MCF2L: variants seen among roughly 807,000 people sequenced by gnomAD.
The protein encoded by MCF2L is MCF.2 cell line derived transforming sequence like.
In MCF2L, 97 loss-of-function variants were observed where a neutral mutation model predicts 153.4. That is an observed-to-expected ratio of 0.63 (90% CI 0.54 to 0.75). The LOEUF is 0.75. MCF2L is among the 30% of genes least tolerant of loss of function. The probability of loss-of-function intolerance (pLI) is 0.00; values close to 1 mark genes in which losing one functional copy is unlikely to be tolerated. For synonymous variants in MCF2L, 659 were observed against 632.2 expected, an observed-to-expected ratio of 1.04 and a Z score of -0.64; for missense variants, 1,347 against 1,495.2, an observed-to-expected ratio of 0.90 and a Z score of 1.64.
chr13:112,938,189 GGGGTTGGTTC>G (rs2081540765), intron 2 of MCF2L, among the ~76,000 whole-genome samples: 1 of 118,746 alleles, frequency 8.4e-6, no homozygotes, highest in African/African-American at 3.3e-5. Context: ...TGAGCGCTGA[GGGGTTGGTTC>G]AGGTGAGCGC....
chr13:112,894,780 G>A (rs1056039914), intron 1 of MCF2L, among the ~76,000 whole-genome samples: 4 of 152,102 alleles, frequency 2.6e-5, no homozygotes, highest in Non-Finnish European at 5.9e-5. Context: ...GGCTTCTGCC[G>A]ACGATCCCTT....
chr13:113,077,815 A>C (rs1206826342), intron 13 of MCF2L, among the ~76,000 whole-genome samples: 27 of 152,144 alleles, frequency 1.8e-4, no homozygotes. Flanking sequence ...CTGGTTTCTC[A>C]CACACGAACC....
At position 113,096,493 on chromosome 13, in the gene MCF2L, C is replaced by G. The variant is rs1192700778; in HGVS notation, c.3188+10C>G. The G allele has an allele frequency of 1.3e-6, 2 of 1,583,210 alleles. No homozygotes were observed. The highest frequency in any genetic ancestry group is 1.3e-5 in the African/African-American group (1 of 74,426). ...GCGACGAGGGCCTCTGGTAAGACCC[C>G]GCGCTCAGCCCCGGACTGCCCCGCA... On this transcript the variant is annotated intron_variant, in intron 28 of 29. Transcript: ENST00000535094.
At chr13:112,991,591 G>T (rs568791380) in intron 1 of MCF2L, among the ~76,000 whole-genome samples, 1 of 152,354 alleles carries the variant, frequency 6.6e-6, no homozygotes, top group Admixed American at 6.5e-5. Context: ...AAATCTATCA[G>T]AAGTTTGCAA....
upstream of MCF2L, chr13:112,968,823 A>AC (rs1566669088): frequency 1.5e-6 from 2 of 1,294,782 alleles, no homozygotes; most frequent in Non-Finnish European, 2.0e-6. Flanking sequence ...GAGACCCGGA[A>AC]CCGGGGGGAA....
At chr13:113,006,374 A>G (rs903925157) in intron 1 of MCF2L, among the ~76,000 whole-genome samples, 4 of 151,884 alleles carry the variant, frequency 2.6e-5, no homozygotes, top group Admixed American at 1.3e-4. Context: ...CCTCGCGAGG[A>G]CTCACTCAAT....
chr13:113,024,711 G>C lies in MCF2L; in HGVS notation c.231G>C (p.Pro77=), dbSNP rs375792215. ...ACTACCCGGCCTTCAGCGAGATTCC[G>C]GACAAGGAGTTCCAGAATGTCATGA... ...FPDYPAFSEI[P]DKEFQNVMTY... Residue 77 remains proline (P), a synonymous_variant, in exon 3 of 30, where the codon CCG becomes CCC. Transcript: ENST00000535094. The C allele has an allele frequency of 6.2e-7, 1 of 1,614,084 alleles. No homozygotes were observed. Among genetic ancestry groups the C allele is most frequent in the Non-Finnish European group, 8.5e-7 (1 of 1,180,042 alleles).
At chr13:113,084,858 C>A in intron 18 of MCF2L, 34 bp from the exon 19 acceptor site, 1 of 1,532,172 alleles carries the variant, frequency 6.5e-7, no homozygotes, top group Non-Finnish European at 9.0e-7. Context: ...GCCCATCCCT[C>A]ACTGCGTGAT....
chr13:113,021,703 G>A (rs2084895364), intron 2 of MCF2L, among the ~76,000 whole-genome samples: 1 of 152,230 alleles, frequency 6.6e-6, no homozygotes, highest in African/African-American at 2.4e-5. Flanking sequence ...CCAGAGAGGG[G>A]CTGTGCCCCC....
At chr13:113,021,392 C>T (rs2084877251) in intron 2 of MCF2L, among the ~76,000 whole-genome samples, 1 of 152,190 alleles carries the variant, frequency 6.6e-6, no homozygotes, top group Admixed American at 6.5e-5. Context: ...TTGCATCTGC[C>T]TTCTGCCCCT....
intron 3 of MCF2L, among the ~76,000 whole-genome samples, chr13:113,034,806 CT>C (rs2086043898): frequency 6.6e-6 from 1 of 152,224 alleles, no homozygotes; most frequent in African/African-American, 2.4e-5. Flanking sequence ...ACCGACCTTC[CT>C]TGGGGAGTGA....
At position 113,094,865 on chromosome 13, in the gene MCF2L, C is replaced by T. The variant is rs533340458; in HGVS notation, c.3075+230C>T. ...GGGGCACAGCCCCAGCTCCTCCTAA[C>T]TCTCTCTGGAAGGTCCACCTGGGCC... On this transcript the variant is annotated intron_variant, in intron 27 of 29. Transcript: ENST00000535094. The T allele has an allele frequency of 4.6e-6, 5 of 1,098,538 alleles. No individual in the cohort carries two copies. In the African/African-American group the frequency reaches 9.2e-5, roughly 20 times the overall value. 68.0% of individuals were successfully genotyped at this position (1,098,538 alleles called of 1,614,324 possible). A position where few individuals can be genotyped will look rare whatever the true frequency, so the allele number is the denominator to read the frequency against.
chr13:113,064,334 C>G lies in MCF2L; in HGVS notation c.520C>G (p.His174Asp), dbSNP rs374604350. The G allele has an allele frequency of 1.9e-6, 3 of 1,612,838 alleles. No individual in the cohort carries two copies. In the African/African-American group the frequency reaches 4.0e-5, roughly 22 times the overall value. Residue 174 changes from histidine to aspartate, a missense_variant, in exon 6 of 30, where the codon CAC becomes GAC. Physicochemically the swap from His to Asp is moderately conservative, Grantham distance 81 (BLOSUM62 -1). Around this residue, in one of 3 missense-constraint regions of MCF2L, gnomAD observed 820 missense variants for 921.2 expected, o/e 0.89. Coordinates refer to ENST00000535094, the MANE Select transcript of MCF2L (RefSeq NM_001112732.3). This position sits in a 1 kb window ranked among gnomAD's most constrained non-coding sequence, Gnocchi z 6.0. Reference sequence around the variant, plus strand: ...AATGCTGAGCTCCGTACCAGACTTACACGGTTACATCGATAAGTCGCAGCT... The same window carrying G: ...AATGCTGAGCTCCGTACCAGACTTAGACGGTTACATCGATAAGTCGCAGCT... ...VIMLSSVPDL[H>D]GYIDKSQLTE... is the part of the protein sequence containing the mutation.
chr13:113,021,702 G>T (rs1441287783), intron 2 of MCF2L, among the ~76,000 whole-genome samples: 1 of 152,230 alleles, frequency 6.6e-6, no homozygotes, highest in African/African-American at 2.4e-5. Context: ...TCCAGAGAGG[G>T]GCTGTGCCCC....
chr13:113,013,127 G>T (rs565989509), intron 1 of MCF2L, among the ~76,000 whole-genome samples: 13 of 152,304 alleles, frequency 8.5e-5, no homozygotes, highest in African/African-American at 3.1e-4. Context: ...ACATCCAACT[G>T]CGCAGTCTAG....
intron 26 of MCF2L, chr13:113,091,298 C>T (rs1300256280): frequency 2.1e-6 from 2 of 969,152 alleles, no homozygotes; most frequent in African/African-American, 1.7e-5. Flanking sequence ...GGGATGCTCT[C>T]GTGGGTCTTT....
chr13:112,915,410 C>CACAAAAAAAAAAAAAAAAAAAAAAA (rs1555349857), intron 2 of MCF2L, among the ~76,000 whole-genome samples: 1 of 86,924 alleles, frequency 1.2e-5, no homozygotes, highest in African/African-American at 5.3e-5. Flanking sequence ...CTCTGTCTCA[C>CACAAAAAAAAAAAAAAAAAAAAAAA]AAAAAAAAAA....
At chr13:112,989,292 C>G (rs1264060158) in intron 1 of MCF2L, among the ~76,000 whole-genome samples, 13 of 148,256 alleles carry the variant, frequency 8.8e-5, no homozygotes, top group Non-Finnish European at 1.3e-4. Flanking sequence ...AGCTACCACG[C>G]CCGAGTCCTC....
At chr13:112,928,394 G>C (rs2081429366) in intron 2 of MCF2L, among the ~76,000 whole-genome samples, 1 of 152,226 alleles carries the variant, frequency 6.6e-6, no homozygotes, top group South Asian at 2.1e-4. Flanking sequence ...TTTCCTCACA[G>C]TCATAATTAA....
Sources: gnomAD v4.1 joint callset for allele counts (sites outside exome capture counted in the v4.1 genomes callset) on GRCh38, gnomAD v4.1.1 for gene constraint, gnomAD v4.1.1 regional missense constraint, Gnocchi (gnomAD v3.1) non-coding constraint, MANE v1.5 for transcripts, NCBI Gene and HGNC (gene_info 2026-07-23, HGNC 2026-07-21) for gene names.